Variants in SCFD2 observed in about 807,000 individuals in gnomAD.
The protein encoded by SCFD2 is sec1 family domain containing 2.
Under a neutral mutation model 58.9 loss-of-function variants are expected in SCFD2, and 54 were observed. That is an observed-to-expected ratio of 0.92 (90% CI 0.74 to 1.15). The LOEUF (loss-of-function observed/expected upper bound fraction) is 1.15, where lower values mean the gene tolerates loss of function less well. SCFD2 is among the 50% of genes most tolerant of loss of function. The probability of loss-of-function intolerance (pLI) is 0.00; values close to 1 mark genes in which losing one functional copy is unlikely to be tolerated. For missense variants in SCFD2, 805 were observed against 836.6 expected, an observed-to-expected ratio of 0.96 and a Z score of 0.47; for synonymous variants, 321 against 335.9, an observed-to-expected ratio of 0.96 and a Z score of 0.49.
intron 5 of SCFD2, among the ~76,000 whole-genome samples, chr4:53,045,710 G>C (rs1488672821): frequency 6.6e-6 from 1 of 152,086 alleles, no homozygotes; most frequent in Admixed American, 6.6e-5. Flanking sequence ...GATAGATAGA[G>C]TGGGTGTTCA....
rs201751073 is a variant in SCFD2 at position 53,365,733 on chromosome 4, T to C, written c.209A>G (p.Gln70Arg). The C allele has an allele frequency of 6.8e-6, 11 of 1,613,986 alleles. No individual in the cohort carries two copies. The highest frequency in any genetic ancestry group is 8.5e-6 in the Non-Finnish European group (10 of 1,179,908). The change falls in exon 1 of 9, where the codon CAG (glutamine) becomes CGG (arginine). Residue 70 changes from glutamine (Q) to arginine (R), a missense_variant. Coordinates refer to ENST00000401642, the MANE Select transcript of SCFD2 (RefSeq NM_152540.4). The surrounding 1 kb of genome is among the most constrained non-coding windows in gnomAD (Gnocchi z 4.3). ...GCTCAGCACAAACACTGCCTTGGGC[T>C]GCTTGGCTCCACCACCAATTGCGTC... ...EPDAIGGGAK[Q>R]PKAVFVLSCL...
At chr4:53,237,783 C>T (rs1254977270) in intron 4 of SCFD2, among the ~76,000 whole-genome samples, 28 of 82,620 alleles carry the variant, frequency 3.4e-4, no homozygotes, top group African/African-American at 1.4e-3. Context: ...GACCCCCCCA[C>T]CTCCATCCCG....
intron 5 of SCFD2, among the ~76,000 whole-genome samples, chr4:52,973,121 A>T (rs1323907072): frequency 1.3e-5 from 2 of 152,214 alleles, no homozygotes; most frequent in Non-Finnish European, 2.9e-5. Context: ...GAGAAGCAAG[A>T]GCAAACACAT....
At chr4:53,024,047 A>G (rs1378525506) in intron 5 of SCFD2, among the ~76,000 whole-genome samples, 2 of 152,190 alleles carry the variant, frequency 1.3e-5, no homozygotes, top group Non-Finnish European at 2.9e-5. Context: ...CACAGTCAGC[A>G]GCAGCCTTAT....
chr4:53,002,638 A>G (rs767964573), intron 5 of SCFD2, among the ~76,000 whole-genome samples: 40 of 152,204 alleles, frequency 2.6e-4, no homozygotes, highest in Non-Finnish European at 5.6e-4. Context: ...ATATGGGCAA[A>G]GAAAAGACAA....
chr4:53,352,765 T>C lies in SCFD2; in HGVS notation c.840A>G (p.Gly280=). The part of the protein sequence containing the change: ...VFVDRTLDLT[G]AVGHHGDNLV... ...AGTTGTCTCCATGATGTCCAACTGC[T>C]CCTGTTTAAGCAGACAAGATGATGT... Residue 280 remains glycine, a splice_region_variant and synonymous_variant, in exon 2 of 9, where the codon GGA becomes GGG. Transcript: ENST00000401642. The C allele has an allele frequency of 2.5e-6, 4 of 1,613,176 alleles. No individual in the cohort carries two copies. The highest frequency in any genetic ancestry group is 2.5e-6 in the Non-Finnish European group (3 of 1,179,280).
chr4:52,964,731 C>T (rs905108364), intron 5 of SCFD2, among the ~76,000 whole-genome samples: 3 of 148,084 alleles, frequency 2.0e-5, no homozygotes, highest in Non-Finnish European at 3.0e-5. Context: ...GACTCAGAAG[C>T]GATCCTTGAA....
At chr4:53,057,232 C>T (rs572008360) in intron 5 of SCFD2, among the ~76,000 whole-genome samples, 3 of 152,142 alleles carry the variant, frequency 2.0e-5, no homozygotes, top group Non-Finnish European at 2.9e-5. Context: ...GCAGGACTCC[C>T]GTACTAGCAA....
chr4:52,961,783 C>T (rs934486334), intron 5 of SCFD2, among the ~76,000 whole-genome samples: 6 of 152,296 alleles, frequency 3.9e-5, no homozygotes, highest in African/African-American at 1.2e-4. Flanking sequence ...AAGATGAGCT[C>T]TTAGGTTACT....
intron 7 of SCFD2, among the ~76,000 whole-genome samples, chr4:52,897,844 G>A (rs374140731): frequency 1.3e-5 from 2 of 152,266 alleles, no homozygotes; most frequent in South Asian, 2.1e-4. Context: ...CCTGTTATTG[G>A]TCTATTCAGA....
intron 4 of SCFD2, among the ~76,000 whole-genome samples, chr4:53,173,910 T>A (rs1727252524): frequency 6.6e-6 from 1 of 152,162 alleles, no homozygotes; most frequent in Non-Finnish European, 1.5e-5. Flanking sequence ...CAGATCTTAA[T>A]GTCTTCAATA....
At chr4:53,038,362 C>T (rs1560309526) in intron 5 of SCFD2, among the ~76,000 whole-genome samples, 1 of 152,100 alleles carries the variant, frequency 6.6e-6, no homozygotes, top group Non-Finnish European at 1.5e-5. Context: ...AATGAAATCA[C>T]CTTTCTTTGG....
chr4:53,192,224 C>A (rs1279153012), intron 4 of SCFD2, among the ~76,000 whole-genome samples: 1 of 152,162 alleles, frequency 6.6e-6, no homozygotes, highest in African/African-American at 2.4e-5. Flanking sequence ...ACTGTCCCCA[C>A]GACTCCCTAT....
At chr4:53,283,156 C>G (rs1048703180) in intron 3 of SCFD2, among the ~76,000 whole-genome samples, 3 of 152,150 alleles carry the variant, frequency 2.0e-5, no homozygotes, top group African/African-American at 7.2e-5. Context: ...TAGAAGACTC[C>G]CTTGTATACT....
chr4:53,216,639 T>C, intron 4 of SCFD2, among the ~76,000 whole-genome samples: 1 of 152,246 alleles, frequency 6.6e-6, no homozygotes, highest in East Asian at 1.9e-4. Context: ...TTTGTGTCGG[T>C]ATCTACTTCA....
intron 3 of SCFD2, among the ~76,000 whole-genome samples, chr4:53,294,653 A>G (rs1731960328): frequency 3.3e-5 from 5 of 152,010 alleles, no homozygotes; most frequent in East Asian, 1.9e-4. Flanking sequence ...ATTGGATCCC[A>G]TTTGTCTATT....
rs1726296601 is a variant in SCFD2 at position 53,145,392 on chromosome 4, GCTTTCTTGA to G, written c.1493_1501del (p.Val498_Lys500del). On this transcript the variant is annotated inframe_deletion, in exon 5 of 9. Transcript: ENST00000401642. ...TTCCTCACAGAAGACCTGAGCCAAT[GCTTTCTTGA>G]CTTTTTCTTCTGCTTCACACAGGTC... 4 of 1,614,142 alleles carry G rather than the reference GCTTTCTTGA, an allele frequency of 2.5e-6. No homozygotes were observed. The highest frequency in any genetic ancestry group is 1.7e-5 in the Admixed American group (1 of 60,018).
At chr4:52,904,045 T>C (rs1230722736) in intron 7 of SCFD2, among the ~76,000 whole-genome samples, 1 of 152,104 alleles carries the variant, frequency 6.6e-6, no homozygotes. Flanking sequence ...GGGCACACAC[T>C]CCACACCCCA....
Position 53,365,815 on chromosome 4 carries a change from T to C in SCFD2, c.127A>G (p.Thr43Ala), listed in dbSNP as rs1361181497. 6.2e-7 allele frequency: 1 copy of C among 1,613,670 alleles called. No individual in the cohort carries two copies. Among genetic ancestry groups the C allele is most frequent in the Non-Finnish European group, 8.5e-7 (1 of 1,179,952 alleles). ...CCCCCCACCGCCTCCAGGAGACGGG[T>C]GGATCCGCAGCCCCAGTGCAGGCTC... ...AESLHWGCGS[T>A]RLLEAVGGPD... Residue 43 changes from threonine to alanine, a missense_variant, in exon 1 of 9, where the codon ACC becomes GCC. Transcript: ENST00000401642. The surrounding 1 kb of genome is among the most constrained non-coding windows in gnomAD (Gnocchi z 4.3).
Sources: gnomAD v4.1 joint callset for allele counts (sites outside exome capture counted in the v4.1 genomes callset) on GRCh38, gnomAD v4.1.1 for gene constraint, Gnocchi (gnomAD v3.1) non-coding constraint, MANE v1.5 for transcripts, NCBI Gene and HGNC (gene_info 2026-07-23, HGNC 2026-07-21) for gene names.